The following ATP6V1E1 variants were observed in gnomAD, a reference collection of about 807,000 sequenced individuals.
ATP6V1E1 encodes the protein V-type proton ATPase subunit E 1.
A neutral mutation model predicts 35.2 loss-of-function variants in ATP6V1E1; 21 were observed. The ratio of observed to expected loss-of-function variants is 0.60; its 90% CI spans 0.42 to 0.86. The LOEUF is 0.86. Ranked by LOEUF, ATP6V1E1 falls within the 40% of genes least tolerant of loss-of-function variation. The pLI is 0.00. For synonymous variants in ATP6V1E1, 83 were observed against 87.8 expected, an observed-to-expected ratio of 0.95 and a Z score of 0.30; for missense variants, 183 against 272.6, an observed-to-expected ratio of 0.67 and a Z score of 2.32.
At chr22:17,621,842 T>C (rs1003181746) in intron 1 of ATP6V1E1, among the ~76,000 whole-genome samples, 5 of 152,188 alleles carry the variant, frequency 3.3e-5, no homozygotes, top group African/African-American at 1.2e-4. Context: ...TACTTTGTAC[T>C]TCCTCTATCA....
At chr22:17,595,491 A>T (rs970005484) in intron 7 of ATP6V1E1, among the ~76,000 whole-genome samples, 1 of 152,164 alleles carries the variant, frequency 6.6e-6, no homozygotes, top group Non-Finnish European at 1.5e-5. Context: ...AATCCTGCTC[A>T]TTACTGATGA....
chr22:17,610,513 T>C (rs944417528), intron 4 of ATP6V1E1, among the ~76,000 whole-genome samples: 2 of 151,950 alleles, frequency 1.3e-5, no homozygotes, highest in Admixed American at 6.6e-5. Context: ...AAAGGTGGCA[T>C]AAAAAACAAA....
chr22:17,601,751 C>T lies in ATP6V1E1; in HGVS notation c.277-570G>A, dbSNP rs139277561. Among the ~76,000 whole-genome samples, 571 of 152,300 alleles carry T rather than the reference C, an allele frequency of 3.7e-3. 5 individuals carry two copies. The highest frequency in any genetic ancestry group is 9.1e-3 in the South Asian group (44 of 4,826). ...CCTCCTGAGTAGATGAGACTACAGG[C>T]GCCCACCACCACGCCCAGCTAATTC... On this transcript the variant is annotated intron_variant, in intron 4 of 8. Coordinates refer to ENST00000253413, the MANE Select transcript of ATP6V1E1 (RefSeq NM_001696.4).
chr22:17,616,363 A>C lies in ATP6V1E1; in HGVS notation c.100-3043T>G, dbSNP rs139953815. On this transcript the variant is annotated intron_variant, in intron 2 of 8. Transcript: ENST00000253413. ...ACTCCGTCTCAAAACTAAATAAAATAAATAAATATTTGAGACAGAAATGCA... is the reference window on the plus strand; with the variant it reads ...ACTCCGTCTCAAAACTAAATAAAATCAATAAATATTTGAGACAGAAATGCA... 2.9e-3 allele frequency among the ~76,000 whole-genome samples: 444 copies of C among 150,848 alleles called. 2 individuals are homozygous for C. The highest frequency in any genetic ancestry group is 4.9e-3 in the Non-Finnish European group (334 of 67,720).
chr22:17,601,526 A>G (rs2057761903), intron 4 of ATP6V1E1, among the ~76,000 whole-genome samples: 1 of 152,082 alleles, frequency 6.6e-6, no homozygotes, highest in East Asian at 1.9e-4. Context: ...CATTTTTTTT[A>G]AGGAAAAAAA....
chr22:17,619,494 T>C lies in ATP6V1E1; in HGVS notation c.66A>G (p.Glu22=). The change falls in exon 2 of 9, where the codon GAA becomes GAG. Residue 22 remains glutamate, a synonymous_variant. Coordinates refer to ENST00000253413, the MANE Select transcript of ATP6V1E1 (RefSeq NM_001696.4). ...CTATTTCTTCTGCTTTCTCATTGGC[T>C]TCTTGTTCAATGAAAGCCATCATAT... is the stretch of plus-strand genomic sequence containing the variant. ...IKHMMAFIEQ[E]ANEKAEEIDA... is the part of the protein sequence containing the mutation. 1 of 1,605,224 alleles carries C rather than the reference T, an allele frequency of 6.2e-7. No homozygotes were observed. The highest frequency in any genetic ancestry group is 1.1e-5 in the South Asian group (1 of 89,294).
intron 1 of ATP6V1E1, among the ~76,000 whole-genome samples, chr22:17,622,918 A>T (rs1178922637): frequency 2.6e-5 from 4 of 152,154 alleles, no homozygotes; most frequent in South Asian, 4.1e-4. Flanking sequence ...GTAGGCATAG[A>T]TTGTGCCACT....
In ATP6V1E1 at chr22:17,592,786, A is replaced by G; in HGVS notation, c.619-50T>C. On this transcript the variant is annotated intron_variant, in intron 8 of 8. Coordinates refer to ENST00000253413, the MANE Select transcript of ATP6V1E1 (RefSeq NM_001696.4). ...ACGCAATGTCAGCTGAAGAAGTTGT[A>G]GAGCGCTGCACATCTTTTTTTTTTT... 8 of 1,092,418 alleles carry G rather than the reference A, an allele frequency of 7.3e-6. 1 individual carries two copies. The South Asian group carries it at 1.0e-4, about 14-fold the overall frequency. 67.7% of individuals were successfully genotyped at this position (1,092,418 alleles called of 1,614,324 possible).
chr22:17,628,644 C>A lies in ATP6V1E1; in HGVS notation c.-9G>T. ...GCATCGCTGAGAGCCATGGCGAGAG[C>A]AATGCTAGGCCGGTGAACAGTAGGC... is the stretch of plus-strand genomic sequence containing the variant. On this transcript the variant is annotated 5_prime_UTR_variant, in exon 1 of 9. Transcript: ENST00000253413. 1.2e-6 allele frequency: 2 copies of A among 1,614,164 alleles called. No individual in the cohort carries two copies. The highest frequency in any genetic ancestry group is 2.2e-5 in the South Asian group (2 of 91,088).
chr22:17,609,027 C>A (rs1228366162), intron 4 of ATP6V1E1, among the ~76,000 whole-genome samples: 1 of 151,978 alleles, frequency 6.6e-6, no homozygotes, highest in Non-Finnish European at 1.5e-5. Context: ...GCAGAGTCTG[C>A]AGTGAGCTGA....
intron 1 of ATP6V1E1, 95 bp downstream of exon 1, chr22:17,628,508 G>T: frequency 6.5e-7 from 1 of 1,540,716 alleles, no homozygotes; most frequent in Non-Finnish European, 8.9e-7. Context: ...TGCGGCATCT[G>T]GGCGGCTCAA....
Position 17,620,486 on chromosome 22 carries a change from G to A in ATP6V1E1, c.34-960C>T, listed in dbSNP as rs894704952. ...CTTTAACAATCTTCCCTTTGCGTCC[G>A]TGACTTCCTCCTGTTCTCCTTTCCA... On this transcript the variant is annotated intron_variant, in intron 1 of 8. Transcript: ENST00000253413. 7.9e-5 allele frequency among the ~76,000 whole-genome samples: 12 copies of A among 151,794 alleles called. No homozygotes were observed. In the East Asian group the frequency reaches 1.4e-3, roughly 17 times the overall value.
At chr22:17,626,230 C>T (rs1174238900) in intron 1 of ATP6V1E1, among the ~76,000 whole-genome samples, 1 of 147,764 alleles carries the variant, frequency 6.8e-6, no homozygotes, top group African/African-American at 2.5e-5. Context: ...ATGGCATGAA[C>T]CCAGGAGGTG....
chr22:17,600,500 T>G (rs1348256436), intron 5 of ATP6V1E1, among the ~76,000 whole-genome samples: 1 of 152,106 alleles, frequency 6.6e-6, no homozygotes, highest in African/African-American at 2.4e-5. Flanking sequence ...GTTCTTTCAT[T>G]TAGGTTGGAA....
At chr22:17,613,851 C>T (rs5747269) in intron 2 of ATP6V1E1, among the ~76,000 whole-genome samples, 52,686 of 151,816 alleles carry the variant, frequency 0.35, 9,434 homozygotes, top group African/African-American at 0.41. Flanking sequence ...CCTGTAGTCC[C>T]AGCTACTCAG....
At chr22:17,606,875 G>A (rs2057789377) in intron 4 of ATP6V1E1, among the ~76,000 whole-genome samples, 1 of 152,170 alleles carries the variant, frequency 6.6e-6, no homozygotes, top group African/African-American at 2.4e-5. Context: ...AGACCATTTT[G>A]AGTTTGCCGT....
At chr22:17,597,244 A>T (rs1408860486) in intron 7 of ATP6V1E1, among the ~76,000 whole-genome samples, 2 of 97,264 alleles carry the variant, frequency 2.1e-5, no homozygotes, top group African/African-American at 9.8e-5. Context: ...TGCCTGTCTT[A>T]AAAAAAAAAA....
At chr22:17,612,629 A>G in intron 4 of ATP6V1E1, 183 bp downstream of exon 4, 1 of 584,146 alleles carries the variant, frequency 1.7e-6, no homozygotes, top group Admixed American at 3.7e-5. Flanking sequence ...TGCTCTTTAG[A>G]TCAGAAGGTC....
At chr22:17,623,604 G>C (rs945955272) in intron 1 of ATP6V1E1, among the ~76,000 whole-genome samples, 3 of 151,384 alleles carry the variant, frequency 2.0e-5, no homozygotes, top group Non-Finnish European at 4.4e-5. Context: ...CTGGGAGGTG[G>C]AGGTTGCAGC....
Sources: gnomAD v4.1 joint callset for allele counts (sites outside exome capture counted in the v4.1 genomes callset) on GRCh38, gnomAD v4.1.1 for gene constraint, MANE v1.5 for transcripts, NCBI Gene and HGNC (gene_info 2026-07-23, HGNC 2026-07-21) for gene names.